Variants in RFX3 observed in about 807,000 individuals in gnomAD.
RFX3 encodes transcription factor RFX3.
Under a neutral mutation model 98.6 loss-of-function variants are expected in RFX3, and 14 were observed. That is an observed-to-expected ratio of 0.14 (90% confidence interval 0.09 to 0.22). RFX3 has a LOEUF of 0.22. Among genes scored for constraint, RFX3 ranks in the 10% least tolerant of loss-of-function variants. The pLI is 1.00. For missense variants in RFX3, 639 were observed against 926.9 expected, an observed-to-expected ratio of 0.69 and a Z score of 4.03; for synonymous variants, 383 against 328.4, an observed-to-expected ratio of 1.17 and a Z score of -1.80.
At chr9:3,226,736 A>G (rs1817822629) in intron 16 of RFX3, among the ~76,000 whole-genome samples, 2 of 152,212 alleles carry the variant, frequency 1.3e-5, no homozygotes, top group Admixed American at 6.5e-5. Context: ...TACTTCATCA[A>G]GAGGGTATAC....
intron 1 of RFX3, among the ~76,000 whole-genome samples, chr9:3,468,814 T>TTAAAAAAAA (rs1467536394): frequency 9.0e-6 from 1 of 110,922 alleles, no homozygotes; most frequent in Non-Finnish European, 1.8e-5. Context: ...GTTTTCCTTT[T>TTAAAAAAAA]GAAAAAAAAA....
chr9:3,422,642 A>G (rs1482336400), intron 1 of RFX3, among the ~76,000 whole-genome samples: 1 of 152,246 alleles, frequency 6.6e-6, no homozygotes, highest in African/African-American at 2.4e-5. Context: ...AAAATAAGTC[A>G]GGCTTATTAT....
chr9:3,495,099 T>C (rs978610171), intron 1 of RFX3, among the ~76,000 whole-genome samples: 30 of 151,722 alleles, frequency 2.0e-4, no homozygotes, highest in Non-Finnish European at 4.1e-4. Flanking sequence ...TACATATGTA[T>C]GTATATTAAT....
chr9:3,451,340 G>A (rs1447604733), intron 1 of RFX3, among the ~76,000 whole-genome samples: 1 of 152,158 alleles, frequency 6.6e-6, no homozygotes, highest in Non-Finnish European at 1.5e-5. Context: ...GAGCCCAGGA[G>A]TTCAAGATCA....
At chr9:3,453,174 TC>T (rs1846825205) in intron 1 of RFX3, among the ~76,000 whole-genome samples, 1 of 151,964 alleles carries the variant, frequency 6.6e-6, no homozygotes, top group Non-Finnish European at 1.5e-5. Context: ...TAAATGGAAG[TC>T]TGTAGACGAG....
At chr9:3,512,318 G>T (rs139152298) in intron 1 of RFX3, among the ~76,000 whole-genome samples, 1,861 of 151,940 alleles carry the variant, frequency 0.012, 45 homozygotes, top group African/African-American at 0.042. Flanking sequence ...GTACTACTTT[G>T]TTAAATCCAT....
intron 5 of RFX3, among the ~76,000 whole-genome samples, chr9:3,295,847 C>A (rs1364852090): frequency 6.6e-6 from 1 of 151,876 alleles, no homozygotes; most frequent in African/African-American, 2.4e-5. Context: ...ATAATATGAA[C>A]TTTACAACCA....
intron 2 of RFX3, among the ~76,000 whole-genome samples, chr9:3,384,527 G>C (rs1038492775): frequency 6.6e-6 from 1 of 152,108 alleles, no homozygotes; most frequent in African/African-American, 2.4e-5. Context: ...TACCTTGCAG[G>C]GTTGTTTTAA....
chr9:3,393,463 T>C (rs1179061681), intron 2 of RFX3, among the ~76,000 whole-genome samples: 1 of 152,182 alleles, frequency 6.6e-6, no homozygotes, highest in African/African-American at 2.4e-5. Context: ...TTGTTAGTGA[T>C]AGGCACTCTC....
chr9:3,504,989 TTA>T (rs1258448827), intron 1 of RFX3, among the ~76,000 whole-genome samples: 10 of 37,096 alleles, frequency 2.7e-4, no homozygotes, highest in Non-Finnish European at 3.7e-4. Context: ...AATATATATG[TTA>T]TATATATTAT....
chr9:3,334,639 G>C (rs947961320), intron 3 of RFX3, among the ~76,000 whole-genome samples: 1 of 152,168 alleles, frequency 6.6e-6, no homozygotes, highest in African/African-American at 2.4e-5. Flanking sequence ...CTGTGGAGAA[G>C]CCTTGGCTAC....
intron 1 of RFX3, among the ~76,000 whole-genome samples, chr9:3,443,056 G>C (rs994431615): frequency 6.6e-6 from 1 of 152,096 alleles, no homozygotes; most frequent in Admixed American, 6.5e-5. Flanking sequence ...GTGAGCAAAA[G>C]ATTTGGACAG....
chr9:3,226,330 A>C (rs1254162276), intron 16 of RFX3, among the ~76,000 whole-genome samples: 2 of 152,220 alleles, frequency 1.3e-5, no homozygotes, highest in African/African-American at 4.8e-5. Context: ...ATCTCTGCTA[A>C]TGCAGCTGTC....
intron 1 of RFX3, among the ~76,000 whole-genome samples, chr9:3,514,935 T>C (rs949884796): frequency 3.9e-5 from 6 of 152,234 alleles, no homozygotes; most frequent in African/African-American, 1.4e-4. Context: ...TTCATGTTTT[T>C]TATTAATGAC....
intron 2 of RFX3, among the ~76,000 whole-genome samples, chr9:3,355,749 T>A (rs959160153): frequency 6.6e-6 from 1 of 151,856 alleles, no homozygotes; most frequent in African/African-American, 2.4e-5. Flanking sequence ...CTGATGCACA[T>A]GAACATGCAT....
intron 1 of RFX3, among the ~76,000 whole-genome samples, chr9:3,447,404 T>C (rs1371793533): frequency 6.6e-6 from 1 of 152,074 alleles, no homozygotes; most frequent in East Asian, 1.9e-4. Context: ...ATGCAAAAGT[T>C]GAGAAATGAA....
intron 7 of RFX3, among the ~76,000 whole-genome samples, chr9:3,281,088 T>C (rs1825862753): frequency 6.6e-6 from 1 of 151,746 alleles, no homozygotes; most frequent in Non-Finnish European, 1.5e-5. Flanking sequence ...GCACATACTG[T>C]ATTATGGGTA....
Position 3,219,018 on chromosome 9 carries a change from A to T in RFX3, c.*6024T>A, listed in dbSNP as rs1407933734. The T allele has an allele frequency of 6.6e-6, 1 of 152,142 alleles. No individual in the cohort carries two copies. Among genetic ancestry groups the T allele is most frequent in the Admixed American group, 6.6e-5 (1 of 15,264 alleles). The allele number at this position is 152,142 out of a possible 1,614,324, so 9.4% of individuals were successfully genotyped here. A position where few individuals can be genotyped will look rare whatever the true frequency, so the allele number is the denominator to read the frequency against. On this transcript the variant is annotated 3_prime_UTR_variant, in exon 17 of 17. Transcript: ENST00000617270. ...GATTGGTAAGCACTACAATTAACCT[A>T]ATTAAAAGTTTACCACCTCAGGCAC...
intron 1 of RFX3, among the ~76,000 whole-genome samples, chr9:3,450,394 A>AT (rs1238555200): frequency 1.3e-5 from 2 of 151,740 alleles, no homozygotes; most frequent in African/African-American, 2.4e-5. Flanking sequence ...TTTTTTTGCT[A>AT]TTTTTTTGTT....
Sources: allele counts gnomAD v4.1 joint callset (sites outside exome capture counted in the v4.1 genomes callset), GRCh38; gene constraint gnomAD v4.1.1; transcripts MANE v1.5; gene names NCBI Gene and HGNC (gene_info 2026-07-23, HGNC 2026-07-21).